The following SLCO1A2 variants were observed in gnomAD, a reference collection of about 807,000 sequenced individuals.
SLCO1A2 encodes the protein solute carrier organic anion transporter family member 1A2.
In SLCO1A2, 67 loss-of-function variants were observed where a neutral mutation model predicts 69.0. That is an observed-to-expected ratio of 0.97 (90% confidence interval 0.80 to 1.19). The LOEUF (loss-of-function observed/expected upper bound fraction) is 1.19. SLCO1A2 is among the 50% of genes most tolerant of loss of function. SLCO1A2 has a pLI of 0.00. For missense variants in SLCO1A2, 787 were observed against 793.7 expected, an observed-to-expected ratio of 0.99 and a Z score of 0.10; for synonymous variants, 260 against 265.9, an observed-to-expected ratio of 0.98 and a Z score of 0.22.
chr12:21,312,034 GA>G (rs1199307087), intron 4 of SLCO1A2, among the ~76,000 whole-genome samples: 2 of 145,482 alleles, frequency 1.4e-5, no homozygotes, highest in South Asian at 2.2e-4. Context: ...AGGAGAAGAA[GA>G]AGAGGAAGAA....
At chr12:21,363,227 C>T (rs1379887180) in intron 2 of SLCO1A2, among the ~76,000 whole-genome samples, 1 of 152,134 alleles carries the variant, frequency 6.6e-6, no homozygotes, top group Non-Finnish European at 1.5e-5. Context: ...AACTAGAACT[C>T]AGGATTAAGA....
At chr12:21,337,990 C>T (rs898468348), upstream of SLCO1A2, among the ~76,000 whole-genome samples, 1 of 151,930 alleles carries the variant, frequency 6.6e-6, no homozygotes, top group African/African-American at 2.4e-5. Context: ...AACAATCCAT[C>T]AGTAAAAATA....
At chr12:21,290,875 A>C (rs1946741093) in intron 12 of SLCO1A2, among the ~76,000 whole-genome samples, 1 of 152,174 alleles carries the variant, frequency 6.6e-6, no homozygotes, top group Admixed American at 6.5e-5. Flanking sequence ...TAAAAGAAAG[A>C]AGACAGACTA....
At chr12:21,352,077 G>T (rs538126461) in intron 2 of SLCO1A2, among the ~76,000 whole-genome samples, 1 of 152,236 alleles carries the variant, frequency 6.6e-6, no homozygotes, top group Admixed American at 6.5e-5. Flanking sequence ...TGCCTCCAGG[G>T]TCTCATACTC....
intron 1 of SLCO1A2, among the ~76,000 whole-genome samples, chr12:21,407,820 TGAAAAA>T (rs375867441): frequency 9.5e-6 from 1 of 105,276 alleles, no homozygotes; most frequent in Non-Finnish European, 2.0e-5. Context: ...TAAAAATAAA[TGAAAAA>T]AAAAAAAAAA....
chr12:21,283,572 G>A (rs546882837), intron 12 of SLCO1A2, among the ~76,000 whole-genome samples: 1 of 152,146 alleles, frequency 6.6e-6, no homozygotes, highest in African/African-American at 2.4e-5. Context: ...ATGGATAAAT[G>A]GGATCACATC....
intron 2 of SLCO1A2, among the ~76,000 whole-genome samples, chr12:21,362,750 T>C (rs1037177408): frequency 1.3e-5 from 2 of 152,168 alleles, no homozygotes; most frequent in African/African-American, 4.8e-5. Context: ...GTTGCAATCC[T>C]AGTCTCTGAT....
chr12:21,292,383 C>T (rs1191352732), intron 11 of SLCO1A2, 47 bp from the exon 12 acceptor site: 3 of 1,506,754 alleles, frequency 2.0e-6, no homozygotes, highest in African/African-American at 2.8e-5. Context: ...ATCTTGAACA[C>T]AAATTTTAAA....
At chr12:21,419,269 G>A (rs552815699), upstream of SLCO1A2, 78 of 158,534 alleles carry the variant, frequency 4.9e-4, 2 homozygotes, top group South Asian at 6.1e-3. Context: ...CGTGAGCGAC[G>A]CAGAAGACGG....
At chr12:21,313,735 C>A (rs1435528052) in intron 4 of SLCO1A2, among the ~76,000 whole-genome samples, 1 of 151,186 alleles carries the variant, frequency 6.6e-6, no homozygotes, top group Non-Finnish European at 1.5e-5. Flanking sequence ...AAAACAGAGG[C>A]CGAGGCGGGC....
At chr12:21,403,635 T>G (rs779150699) in intron 1 of SLCO1A2, 5 of 151,884 alleles carry the variant, frequency 3.3e-5, no homozygotes, top group Non-Finnish European at 7.4e-5. Flanking sequence ...CTCTGATGGT[T>G]GCATAAAGCA....
intron 2 of SLCO1A2, among the ~76,000 whole-genome samples, chr12:21,327,396 G>A: frequency 6.6e-6 from 1 of 152,056 alleles, no homozygotes; most frequent in East Asian, 1.9e-4. Flanking sequence ...GTGAGAAGAG[G>A]GCCACCATCC....
intron 2 of SLCO1A2, among the ~76,000 whole-genome samples, chr12:21,358,567 T>A (rs977567977): frequency 6.6e-6 from 1 of 152,182 alleles, no homozygotes; most frequent in Non-Finnish European, 1.5e-5. Context: ...TTGTGTATAG[T>A]TCTATCATCA....
At chr12:21,402,476 T>C (rs1341083374) in intron 1 of SLCO1A2, among the ~76,000 whole-genome samples, 2 of 152,128 alleles carry the variant, frequency 1.3e-5, no homozygotes, top group African/African-American at 2.4e-5. Context: ...AATACCCTTA[T>C]TTTTGCATAC....
chr12:21,402,175 G>A (rs550045901), intron 1 of SLCO1A2, among the ~76,000 whole-genome samples: 9 of 149,184 alleles, frequency 6.0e-5, no homozygotes, highest in Admixed American at 1.3e-4. Context: ...GAAAAAAATT[G>A]TGGAGTCTAC....
intron 2 of SLCO1A2, chr12:21,319,407 A>T (rs376283833): frequency 1.5e-5 from 20 of 1,367,808 alleles, no homozygotes; most frequent in Non-Finnish European, 2.0e-5. Context: ...TCTTGCTTGC[A>T]ATTCTTGGTC....
intron 2 of SLCO1A2, among the ~76,000 whole-genome samples, chr12:21,327,160 G>T (rs1952301711): frequency 6.6e-6 from 1 of 152,202 alleles, no homozygotes; most frequent in Non-Finnish European, 1.5e-5. Flanking sequence ...GAGGGTGCAA[G>T]TCTCAAGCTT....
At position 21,297,539 on chromosome 12, in the gene SLCO1A2, A is replaced by C; in HGVS notation, c.940T>G (p.Cys314Gly). 3 of 1,583,406 alleles carry C rather than the reference A, an allele frequency of 1.9e-6. No individual in the cohort carries two copies. The highest frequency in any genetic ancestry group is 1.7e-4 in the Middle Eastern group (1 of 5,822). ...DFLPFMKSLS[C>G]NPIYMLFILV... ...ATGAAAAGCATATAAATTGGATTGC[A>C]GGAAAGACTTTTCATGAAAGGTAGA... Residue 314 changes from cysteine to glycine, a missense_variant, in exon 9 of 15, where the codon TGC (cysteine) becomes GGC (glycine). By Grantham distance (159) the Cys-to-Gly change is radical. Coordinates refer to ENST00000683939, the MANE Select transcript of SLCO1A2 (RefSeq NM_001386879.1).
chr12:21,294,132 C>T (rs722994), intron 10 of SLCO1A2, 22 bp from the exon 11 acceptor site: 195,254 of 1,521,642 alleles, frequency 0.13, 14,084 homozygotes, highest in Non-Finnish European at 0.15. Context: ...TAAAATAATG[C>T]CATAGATATT....
Sources: gnomAD v4.1 joint callset for allele counts (sites outside exome capture counted in the v4.1 genomes callset) on GRCh38, gnomAD v4.1.1 for gene constraint, MANE v1.5 for transcripts, NCBI Gene and HGNC (gene_info 2026-07-23, HGNC 2026-07-21) for gene names.